Variants in DLG2 observed in about 807,000 individuals in gnomAD.
The protein encoded by DLG2 is discs large MAGUK scaffold protein 2.
In DLG2, 45 loss-of-function variants were observed where a neutral mutation model predicts 132.5. The ratio of observed to expected loss-of-function variants is 0.34; its 90% CI spans 0.27 to 0.44. DLG2 has a LOEUF of 0.44. Among genes scored for constraint, DLG2 ranks in the 20% least tolerant of loss-of-function variants. The pLI is 1.00. For missense variants in DLG2, 1,045 were observed against 1,196.9 expected (o/e 0.87, Z 1.87); for synonymous variants, 424 against 419.6 (o/e 1.01, Z -0.13).
intron 22 of DLG2, among the ~76,000 whole-genome samples, chr11:83,481,785 CT>C (rs1466535824): frequency 5.3e-5 from 8 of 152,132 alleles, no homozygotes; most frequent in Non-Finnish European, 1.2e-4. Context: ...AGATTATTAT[CT>C]TAAGTGCCTT....
At chr11:85,219,072 T>C (rs543676127) in intron 4 of DLG2, among the ~76,000 whole-genome samples, 2 of 152,186 alleles carry the variant, frequency 1.3e-5, no homozygotes, top group Admixed American at 6.5e-5. Flanking sequence ...TTAAGACTAC[T>C]AGAGAGGGAG....
intron 19 of DLG2, among the ~76,000 whole-genome samples, chr11:83,589,154 T>C (rs1258406291): frequency 6.7e-6 from 1 of 150,096 alleles, no homozygotes; most frequent in African/African-American, 2.5e-5. Flanking sequence ...ACAAAGATAC[T>C]CCTCGAGAAG....
chr11:84,523,778 G>A (rs186476800), intron 7 of DLG2, among the ~76,000 whole-genome samples: 1 of 151,968 alleles, frequency 6.6e-6, no homozygotes, highest in African/African-American at 2.4e-5. Flanking sequence ...TGTGTAACTG[G>A]GTTAACTCTA....
At chr11:84,729,445 G>A (rs549805218) in intron 6 of DLG2, among the ~76,000 whole-genome samples, 6 of 152,174 alleles carry the variant, frequency 3.9e-5, no homozygotes, top group Non-Finnish European at 8.8e-5. Context: ...CCGAGAGACT[G>A]TTTGTTATGA....
intron 6 of DLG2, among the ~76,000 whole-genome samples, chr11:85,017,586 G>A (rs2059678935): frequency 6.6e-6 from 1 of 152,136 alleles, no homozygotes; most frequent in Non-Finnish European, 1.5e-5. Context: ...CCGCCTTTAT[G>A]CTATCACTAA....
chr11:85,587,853 T>C (rs907681312), intron 3 of DLG2, among the ~76,000 whole-genome samples: 3 of 152,208 alleles, frequency 2.0e-5, no homozygotes, highest in African/African-American at 7.2e-5. Flanking sequence ...TTTCAGGATT[T>C]AGATCTCGTT....
intron 17 of DLG2, among the ~76,000 whole-genome samples, chr11:83,803,608 C>T (rs2045112937): frequency 6.6e-6 from 1 of 152,078 alleles, no homozygotes. Context: ...GATTTGAAAG[C>T]AATAAGGATG....
chr11:83,594,206 C>T (rs913326215), intron 19 of DLG2, among the ~76,000 whole-genome samples: 1 of 152,218 alleles, frequency 6.6e-6, no homozygotes, highest in Non-Finnish European at 1.5e-5. Context: ...TCTCTTCTGC[C>T]TTGGCTATCA....
chr11:85,587,282 T>C (rs972018279), intron 3 of DLG2, among the ~76,000 whole-genome samples: 1 of 152,310 alleles, frequency 6.6e-6, no homozygotes, highest in Middle Eastern at 3.4e-3. Flanking sequence ...ACCTCTCTAG[T>C]GCTGTCAGTG....
intron 6 of DLG2, among the ~76,000 whole-genome samples, chr11:84,620,696 T>G (rs1370907732): frequency 6.6e-6 from 1 of 152,062 alleles, no homozygotes; most frequent in Non-Finnish European, 1.5e-5. Flanking sequence ...ACTTCATAAG[T>G]CTGATAAAAT....
At chr11:85,306,176 C>G (rs17148086) in intron 3 of DLG2, among the ~76,000 whole-genome samples, 15,988 of 152,166 alleles carry the variant, frequency 0.11, 966 homozygotes, top group African/African-American at 0.16. Flanking sequence ...CATTAAATGT[C>G]AGTTTACCTC....
rs560155358 is a variant in DLG2, at chr11:85,201,296, T to G, written c.187-46645A>C. Among the ~76,000 whole-genome samples, 5 of 152,228 alleles carry G rather than the reference T, an allele frequency of 3.3e-5. No individual in the cohort carries two copies. The South Asian group carries it at 1.0e-3, about 32-fold the overall frequency. ...TGAGCCAATGAAACAGTCTCACCAATCTCCTTTCTACAGCATCTCTGGAGA... is the reference window on the plus strand; with the variant it reads ...TGAGCCAATGAAACAGTCTCACCAAGCTCCTTTCTACAGCATCTCTGGAGA... On this transcript the variant is annotated intron_variant, in intron 4 of 27. Coordinates refer to ENST00000376104, the MANE Select transcript of DLG2 (RefSeq NM_001142699.3).
rs548559989 is a variant in DLG2, at chr11:84,177,117, G to A, written c.574-13606C>T. Among the ~76,000 whole-genome samples the A allele has an allele frequency of 3.3e-5, 5 of 152,146 alleles. No homozygotes were observed. The East Asian group carries it at 9.7e-4, about 29-fold the overall frequency. ...GGATTGAAAGCAGTTGGTAGGGCAG[G>A]GAGAAGAGATGGAAGAAAATTCAAA... is the stretch of plus-strand genomic sequence containing the variant. On this transcript the variant is annotated intron_variant, in intron 8 of 27. Transcript: ENST00000376104.
chr11:85,061,190 T>A (rs2064094119), intron 6 of DLG2, among the ~76,000 whole-genome samples: 2 of 151,872 alleles, frequency 1.3e-5, no homozygotes, highest in African/African-American at 4.8e-5. Flanking sequence ...CTTTTCACTC[T>A]GTTGTTTCCT....
chr11:83,870,241 A>C (rs979067500), intron 16 of DLG2, among the ~76,000 whole-genome samples: 4 of 152,222 alleles, frequency 2.6e-5, no homozygotes, highest in African/African-American at 9.6e-5. Context: ...AGAATAATGT[A>C]CATTTTACCC....
intron 3 of DLG2, among the ~76,000 whole-genome samples, chr11:85,520,683 G>A (rs889202930): frequency 7.2e-5 from 11 of 151,804 alleles, no homozygotes; most frequent in Non-Finnish European, 1.5e-4. Flanking sequence ...CAATGGAACA[G>A]AACAGAGAAT....
chr11:84,145,082 A>G (rs192800619), intron 9 of DLG2, among the ~76,000 whole-genome samples: 3 of 152,320 alleles, frequency 2.0e-5, no homozygotes, highest in Non-Finnish European at 2.9e-5. Context: ...AAATCTCCTT[A>G]GCCACCCACA....
intron 7 of DLG2, among the ~76,000 whole-genome samples, chr11:84,442,463 G>T (rs1474582973): frequency 6.6e-6 from 1 of 152,054 alleles, no homozygotes; most frequent in Admixed American, 6.6e-5. Flanking sequence ...TCACTCATAA[G>T]TGGGAGTTGA....
intron 19 of DLG2, among the ~76,000 whole-genome samples, chr11:83,565,994 T>C (rs942027101): frequency 6.6e-6 from 1 of 152,182 alleles, no homozygotes; most frequent in African/African-American, 2.4e-5. Flanking sequence ...TTCTGTTTCA[T>C]GAAGTCCTAC....
Sources: allele counts gnomAD v4.1 joint callset (sites outside exome capture counted in the v4.1 genomes callset), GRCh38; gene constraint gnomAD v4.1.1; transcripts MANE v1.5; gene names NCBI Gene and HGNC (gene_info 2026-07-23, HGNC 2026-07-21).